Variants in PEX14 observed in about 807,000 individuals in gnomAD.
PEX14 encodes peroxisomal biogenesis factor 14.
In PEX14, 15 loss-of-function variants were observed where a neutral mutation model predicts 49.5. That is an observed-to-expected ratio of 0.30 (90% CI 0.20 to 0.47). PEX14 has a LOEUF of 0.47. Ranked by LOEUF, PEX14 falls within the 20% of genes least tolerant of loss-of-function variation. PEX14 has a pLI of 1.00. For synonymous variants in PEX14, 210 were observed against 212.7 expected, an observed-to-expected ratio of 0.99 and a Z score of 0.11; for missense variants, 398 against 494.8, an observed-to-expected ratio of 0.80 and a Z score of 1.86.
intron 3 of PEX14, among the ~76,000 whole-genome samples, chr1:10,546,834 A>T (rs1270113294): frequency 2.0e-5 from 3 of 152,026 alleles, no homozygotes; most frequent in Admixed American, 2.0e-4. Context: ...GCGCCACTGC[A>T]CTCCAGCCTG....
chr1:10,578,889 G>A (rs1402388453), intron 3 of PEX14, among the ~76,000 whole-genome samples: 1 of 152,070 alleles, frequency 6.6e-6, no homozygotes, highest in East Asian at 1.9e-4. Context: ...GTATGGAGAG[G>A]AAAAATAGCT....
At chr1:10,478,473 ATACT>A (rs1356729655) in intron 1 of PEX14, among the ~76,000 whole-genome samples, 5 of 152,170 alleles carry the variant, frequency 3.3e-5, no homozygotes, top group African/African-American at 7.2e-5. Flanking sequence ...TTTCAGGAAC[ATACT>A]TACTTTTTCA....
intron 1 of PEX14, among the ~76,000 whole-genome samples, chr1:10,492,342 G>A (rs2124396389): frequency 6.6e-6 from 1 of 152,282 alleles, no homozygotes; most frequent in Admixed American, 6.5e-5. Flanking sequence ...AAATACTAAA[G>A]CTGTTTGCTT....
rs920492918 is a variant in PEX14 at position 10,512,720 on chromosome 1, G to A, written c.84+17399G>A. Among the ~76,000 whole-genome samples the A allele has an allele frequency of 2.6e-5, 4 of 151,220 alleles. No individual in the cohort carries two copies. Among genetic ancestry groups the A allele is most frequent in the Non-Finnish European group, 4.4e-5 (3 of 67,882 alleles). ...TTTTTTTTTAACTTTTATTTTTTATGATGGAGTCTTGCTCTGTCGCCAGGC... is the reference window on the plus strand; with the variant it reads ...TTTTTTTTTAACTTTTATTTTTTATAATGGAGTCTTGCTCTGTCGCCAGGC... On this transcript the variant is annotated intron_variant, in intron 2 of 8. Transcript: ENST00000356607. This position sits in a 1 kb window ranked among gnomAD's most constrained non-coding sequence, Gnocchi z 4.6.
At chr1:10,509,611 G>A (rs770824951) in intron 2 of PEX14, among the ~76,000 whole-genome samples, 3 of 152,154 alleles carry the variant, frequency 2.0e-5, no homozygotes, top group Non-Finnish European at 4.4e-5. Flanking sequence ...TCAGGTGGGG[G>A]TATCCCCTAC....
intron 3 of PEX14, among the ~76,000 whole-genome samples, chr1:10,537,210 C>G (rs1638832066): frequency 6.6e-6 from 1 of 152,018 alleles, no homozygotes; most frequent in African/African-American, 2.4e-5. Flanking sequence ...GCTGCACTAA[C>G]AGGGTTTGGG....
At position 10,567,117 on chromosome 1, in the gene PEX14, A is replaced by C. The variant is rs556318863; in HGVS notation, c.169+30820A>C. Among the ~76,000 whole-genome samples, 4 of 152,290 alleles carry C rather than the reference A, an allele frequency of 2.6e-5. No individual in the cohort carries two copies. The East Asian group carries it at 7.7e-4, about 29-fold the overall frequency. ...TTTATTTATGGACACTGAAATTTGA[A>C]TTTCATCTAATTTTCATGTATCATT... On this transcript the variant is annotated intron_variant, in intron 3 of 8. Coordinates refer to ENST00000356607, the MANE Select transcript of PEX14 (RefSeq NM_004565.3).
intron 3 of PEX14, among the ~76,000 whole-genome samples, chr1:10,578,748 A>C (rs937179424): frequency 6.6e-6 from 1 of 152,180 alleles, no homozygotes; most frequent in South Asian, 2.1e-4. Flanking sequence ...AACCAAATGT[A>C]AATCTTAGAA....
At chr1:10,583,316 C>T (rs1640381630) in intron 3 of PEX14, among the ~76,000 whole-genome samples, 2 of 150,732 alleles carry the variant, frequency 1.3e-5, no homozygotes, top group Non-Finnish European at 2.9e-5. Flanking sequence ...ACCTCCTGGG[C>T]TCAAGCAGTC....
intron 1 of PEX14, among the ~76,000 whole-genome samples, chr1:10,484,858 C>T (rs1641341610): frequency 6.6e-6 from 1 of 151,716 alleles, no homozygotes. Context: ...AATGAGTCTT[C>T]CCACTTGCCT....
rs573113329 is a variant in PEX14 at position 10,536,247 on chromosome 1, G to A, written c.119G>A (p.Arg40Gln). Residue 40 changes from arginine (R) to glutamine (Q), a missense_variant, in exon 3 of 9, where the codon CGG (arginine) becomes CAG (glutamine). Physicochemically the swap from Arg to Gln is conservative, Grantham distance 43. Around this residue, in one of 3 missense-constraint regions of PEX14, gnomAD observed 202 missense variants for 298.5 expected, o/e 0.68. Transcript: ENST00000356607. The part of the protein sequence containing the change: ...ATAVKFLQNS[R>Q]VRQSPLATRR... ...GCAGTGAAGTTTCTACAGAATTCCC[G>A]GGTCCGCCAGAGCCCACTTGCAACC... 2 of 1,612,362 alleles carry A rather than the reference G, an allele frequency of 1.2e-6. No individual in the cohort carries two copies. The highest frequency in any genetic ancestry group is 1.7e-6 in the Non-Finnish European group (2 of 1,178,628).
intron 3 of PEX14, among the ~76,000 whole-genome samples, chr1:10,571,182 A>G (rs1157623194): frequency 6.6e-6 from 1 of 151,812 alleles, no homozygotes. Context: ...GACATACACA[A>G]TTTTCACTTT....
At chr1:10,549,677 A>G (rs1639282310) in intron 3 of PEX14, among the ~76,000 whole-genome samples, 2 of 152,142 alleles carry the variant, frequency 1.3e-5, no homozygotes. Flanking sequence ...ATTTTTTCAG[A>G]TTTTGGAATA....
intron 3 of PEX14, among the ~76,000 whole-genome samples, chr1:10,555,642 A>AGTGTGTGTGTGTGTGT (rs56824548): frequency 1.5e-4 from 22 of 149,370 alleles, no homozygotes; most frequent in African/African-American, 3.5e-4. Flanking sequence ...GCAAGGTGTG[A>AGTGTGTGTGTGTGTGT]GTGTGTGTGT....
At chr1:10,586,924 A>C (rs189443512) in intron 3 of PEX14, among the ~76,000 whole-genome samples, 32 of 151,706 alleles carry the variant, frequency 2.1e-4, no homozygotes, top group Admixed American at 2.0e-3. Context: ...ACAGGTGTGA[A>C]TGCTTTCCGT....
rs751185403 is a variant in PEX14 at position 10,512,194 on chromosome 1, G to A, written c.84+16873G>A. Reference sequence around the variant, plus strand: ...AGGATGGTCTCGACCTCCTGACCTCGTGATCTGCCCTCCTCGGCCTCCCAA... The same window carrying A: ...AGGATGGTCTCGACCTCCTGACCTCATGATCTGCCCTCCTCGGCCTCCCAA... On this transcript the variant is annotated intron_variant, in intron 2 of 8. Transcript: ENST00000356607. This position sits in a 1 kb window ranked among gnomAD's most constrained non-coding sequence, Gnocchi z 4.6. 7.9e-5 allele frequency among the ~76,000 whole-genome samples: 12 copies of A among 152,124 alleles called. No individual in the cohort carries two copies. The highest frequency in any genetic ancestry group is 2.4e-4 in the African/African-American group (10 of 41,416).
At chr1:10,475,057 G>T in intron 1 of PEX14, 55 bp downstream of exon 1, 2 of 1,531,260 alleles carry the variant, frequency 1.3e-6, no homozygotes, top group Non-Finnish European at 1.8e-6. Context: ...TGGAGGGGGC[G>T]CTCAGCATAC....
rs754096559 is a variant in PEX14 at position 10,629,521 on chromosome 1, C to G, written c.678-10C>G. 3 of 1,598,134 alleles carry G rather than the reference C, an allele frequency of 1.9e-6. No homozygotes were observed. In the African/African-American group the frequency reaches 4.0e-5, roughly 21 times the overall value. On this transcript the variant is annotated splice_polypyrimidine_tract_variant and intron_variant, in intron 8 of 8. Transcript: ENST00000356607. This position sits in a 1 kb window ranked among gnomAD's most constrained non-coding sequence, Gnocchi z 8.5. ...CCGCCACCAACCTCCTCCCCTTCTT[C>G]TCCCTCTAGGAGGCAGTTCCCTCCA...
intron 3 of PEX14, among the ~76,000 whole-genome samples, chr1:10,557,694 A>G (rs1387190566): frequency 6.6e-6 from 1 of 152,236 alleles, no homozygotes; most frequent in Non-Finnish European, 1.5e-5. Flanking sequence ...AGGTGATTTC[A>G]GCTTACAGCC....
Sources: allele counts gnomAD v4.1 joint callset (sites outside exome capture counted in the v4.1 genomes callset), GRCh38; gene constraint gnomAD v4.1.1; regional missense constraint gnomAD v4.1.1; non-coding constraint Gnocchi (gnomAD v3.1); transcripts MANE v1.5; gene names NCBI Gene and HGNC (gene_info 2026-07-23, HGNC 2026-07-21).